TEX26: variants seen among roughly 807,000 people sequenced by gnomAD.
The protein encoded by TEX26 is testis-expressed protein 26.
A neutral mutation model predicts 35.3 loss-of-function variants in TEX26; 34 were observed. That is an observed-to-expected ratio of 0.96 (90% confidence interval 0.73 to 1.28). The LOEUF (loss-of-function observed/expected upper bound fraction) is 1.28, where lower values mean the gene tolerates loss of function less well. TEX26 is among the 50% of genes most tolerant of loss of function. The pLI, the probability that TEX26 is intolerant of heterozygous loss-of-function variation, is 0.00. For missense variants in TEX26, 371 were observed against 330.1 expected, an observed-to-expected ratio of 1.12 and a Z score of -0.96; for synonymous variants, 136 against 111.8, an observed-to-expected ratio of 1.22 and a Z score of -1.36.
intron 4 of TEX26, among the ~76,000 whole-genome samples, chr13:30,966,015 A>C (rs1954513271): frequency 6.6e-6 from 1 of 152,190 alleles, no homozygotes; most frequent in Admixed American, 6.5e-5. Context: ...CCCACTGAGC[A>C]GACTCATGAC....
chr13:30,955,550 G>A (rs1230488301), intron 3 of TEX26, among the ~76,000 whole-genome samples: 1 of 152,206 alleles, frequency 6.6e-6, no homozygotes, highest in Non-Finnish European at 1.5e-5. Flanking sequence ...TTGGGACAGC[G>A]AGTATACCTA....
chr13:30,955,985 A>G lies in TEX26; in HGVS notation c.313-888A>G, dbSNP rs529670313. ...GATGGCAAGAGGGGGTGAAGATTTC[A>G]AGTTTTATCATCCTAAAATCTCTCT... On this transcript the variant is annotated intron_variant, in intron 3 of 6. Transcript: ENST00000380473. Among the ~76,000 whole-genome samples, 35 of 152,270 alleles carry G rather than the reference A, an allele frequency of 2.3e-4. No homozygotes were observed. The South Asian group carries it at 5.8e-3, about 25-fold the overall frequency.
intron 2 of TEX26, among the ~76,000 whole-genome samples, chr13:30,950,879 T>C (rs934523079): frequency 1.3e-5 from 2 of 152,076 alleles, no homozygotes; most frequent in Admixed American, 1.3e-4. Flanking sequence ...CAATGCACCA[T>C]AGAAAAAGCC....
At chr13:30,952,349 G>A (rs1209167314) in intron 2 of TEX26, among the ~76,000 whole-genome samples, 3 of 151,858 alleles carry the variant, frequency 2.0e-5, no homozygotes, top group African/African-American at 7.3e-5. Flanking sequence ...TTCTTCACCA[G>A]CTATTTGGTT....
intron 2 of TEX26, among the ~76,000 whole-genome samples, chr13:30,947,278 T>C (rs940291135): frequency 5.3e-5 from 8 of 152,194 alleles, no homozygotes; most frequent in Admixed American, 3.9e-4. Flanking sequence ...TTTTGAGCAT[T>C]GTTATTTTCA....
intron 6 of TEX26, 21 bp downstream of exon 6, chr13:30,969,067 A>T: frequency 6.2e-7 from 1 of 1,603,680 alleles, no homozygotes; most frequent in Non-Finnish European, 8.5e-7. Context: ...GTCTTATTTC[A>T]CACACTTACA....
At chr13:30,953,798 G>A (rs1432648315) in intron 3 of TEX26, among the ~76,000 whole-genome samples, 3 of 152,156 alleles carry the variant, frequency 2.0e-5, no homozygotes, top group African/African-American at 7.2e-5. Context: ...ATCACAAAAG[G>A]TAATGCTTTG....
intron 3 of TEX26, among the ~76,000 whole-genome samples, chr13:30,954,275 TATACACAC>T (rs1262600244): frequency 2.0e-5 from 1 of 49,364 alleles, no homozygotes; most frequent in African/African-American, 6.7e-5. Context: ...TTTATAGACC[TATACACAC>T]ACACACACAC....
chr13:30,938,031 G>A (rs922433169), intron 1 of TEX26, among the ~76,000 whole-genome samples: 1 of 152,072 alleles, frequency 6.6e-6, no homozygotes, highest in Admixed American at 6.5e-5. Flanking sequence ...AATTGTAATA[G>A]GACACATGAA....
At position 30,966,334 on chromosome 13, in the gene TEX26, G is replaced by A. The variant is rs200837171; in HGVS notation, c.582G>A (p.Glu194=). ...ACCAAATTCCAGCTAAAATTCCTGA[G>A]CTTCAAGATTTCAGTTTCAAATATG... ...RNYQIPAKIP[E]LQDFSFKYGC... is the part of the protein sequence containing the mutation. Residue 194 remains glutamate, a synonymous_variant, in exon 5 of 7, where the codon GAG becomes GAA. Coordinates refer to ENST00000380473, the MANE Select transcript of TEX26 (RefSeq NM_152325.3). The A allele has an allele frequency of 6.2e-7, 1 of 1,613,752 alleles. No homozygotes were observed. The highest frequency in any genetic ancestry group is 8.5e-7 in the Non-Finnish European group (1 of 1,179,960).
At chr13:30,972,127 G>A (rs1954732222) in intron 6 of TEX26, among the ~76,000 whole-genome samples, 1 of 152,196 alleles carries the variant, frequency 6.6e-6, no homozygotes, top group South Asian at 2.1e-4. Flanking sequence ...GTAGCAGTCT[G>A]TGAGGGGTAC....
At chr13:30,967,279 G>A (rs1207118549) in intron 5 of TEX26, among the ~76,000 whole-genome samples, 1 of 152,074 alleles carries the variant, frequency 6.6e-6, no homozygotes, top group Non-Finnish European at 1.5e-5. Flanking sequence ...TAGCACCTTG[G>A]GGTTAGAAGG....
chr13:30,971,331 T>C (rs941750330), intron 6 of TEX26, among the ~76,000 whole-genome samples: 3 of 152,204 alleles, frequency 2.0e-5, no homozygotes, highest in Non-Finnish European at 2.9e-5. Flanking sequence ...GGCAGAATTA[T>C]TATCAACTCA....
intron 1 of TEX26, chr13:30,933,156 G>T (rs61947589): frequency 0.019 from 3,154 of 169,678 alleles, 54 homozygotes; most frequent in African/African-American, 0.042. Context: ...CCTGAGTCCC[G>T]ATCCCCATAT....
chr13:30,967,281 G>A (rs1008748256), intron 5 of TEX26, among the ~76,000 whole-genome samples: 1 of 152,138 alleles, frequency 6.6e-6, no homozygotes, highest in Admixed American at 6.5e-5. Flanking sequence ...GCACCTTGGG[G>A]TTAGAAGGTG....
At chr13:30,936,496 C>T (rs74043601) in intron 1 of TEX26, among the ~76,000 whole-genome samples, 146 of 152,320 alleles carry the variant, frequency 9.6e-4, no homozygotes, top group African/African-American at 3.1e-3. Flanking sequence ...GCTCAGATGC[C>T]ACCTATGCTA....
intron 6 of TEX26, among the ~76,000 whole-genome samples, chr13:30,969,981 T>C (rs1246047305): frequency 6.6e-6 from 1 of 152,122 alleles, no homozygotes; most frequent in Non-Finnish European, 1.5e-5. Flanking sequence ...ACTGGCCATG[T>C]GGGATCCCTC....
At chr13:30,935,088 C>G (rs1418700757) in intron 1 of TEX26, among the ~76,000 whole-genome samples, 1 of 152,252 alleles carries the variant, frequency 6.6e-6, no homozygotes, top group Non-Finnish European at 1.5e-5. Context: ...ACCCATCCAT[C>G]CCTGCAGGCT....
chr13:30,963,224 T>G (rs1310412638), intron 4 of TEX26, among the ~76,000 whole-genome samples: 2 of 152,130 alleles, frequency 1.3e-5, no homozygotes, highest in African/African-American at 4.8e-5. Context: ...CCAGTTTCTT[T>G]CTTTGGGCTA....
Sources: allele counts gnomAD v4.1 joint callset (sites outside exome capture counted in the v4.1 genomes callset), GRCh38; gene constraint gnomAD v4.1.1; transcripts MANE v1.5; gene names NCBI Gene and HGNC (gene_info 2026-07-23, HGNC 2026-07-21).